The following KCNC2 variants were observed in gnomAD, a reference collection of about 807,000 sequenced individuals.
KCNC2 encodes voltage-gated potassium channel KCNC2.
KCNC2 carries 21 observed loss-of-function variants against 44.5 expected under a neutral mutation model. The observed-to-expected ratio is 0.47, with a 90% confidence interval of 0.33 to 0.68. KCNC2 has a LOEUF of 0.68. Ranked by LOEUF, KCNC2 falls within the 30% of genes least tolerant of loss-of-function variation. The pLI, the probability that KCNC2 is intolerant of heterozygous loss-of-function variation, is 0.01. For missense variants in KCNC2, 589 were observed against 826.2 expected (o/e 0.71, Z 3.52); for synonymous variants, 391 against 339.1 (o/e 1.15, Z -1.68).
chr12:75,067,767 T>C (rs556459643), intron 2 of KCNC2, among the ~76,000 whole-genome samples: 1 of 152,310 alleles, frequency 6.6e-6, no homozygotes, highest in East Asian at 1.9e-4. Context: ...AACTCCCTAA[T>C]GATGTCAGTG....
intron 2 of KCNC2, among the ~76,000 whole-genome samples, chr12:75,147,666 G>T (rs954465658): frequency 1.1e-4 from 16 of 152,146 alleles, no homozygotes; most frequent in African/African-American, 3.9e-4. Context: ...AATTTTCTGA[G>T]CAAAGCACAG....
At chr12:75,120,001 T>C (rs1288824790) in intron 2 of KCNC2, among the ~76,000 whole-genome samples, 1 of 152,200 alleles carries the variant, frequency 6.6e-6, no homozygotes, top group Non-Finnish European at 1.5e-5. Context: ...TATCATGCTC[T>C]GCATAAAGCT....
At chr12:75,079,692 C>A (rs924013868) in intron 2 of KCNC2, among the ~76,000 whole-genome samples, 2 of 152,052 alleles carry the variant, frequency 1.3e-5, no homozygotes, top group Non-Finnish European at 2.9e-5. Flanking sequence ...TTACTGGATA[C>A]CAAAACCTTG....
At chr12:75,191,501 A>ATATTATTATTATTAT in intron 2 of KCNC2, among the ~76,000 whole-genome samples, 1 of 70,452 alleles carries the variant, frequency 1.4e-5, no homozygotes, top group Admixed American at 1.5e-4. Flanking sequence ...TTTGTTCTGA[A>ATATTATTATTATTAT]TATTATTATT....
intron 2 of KCNC2, among the ~76,000 whole-genome samples, chr12:75,117,149 T>C (rs185829697): frequency 2.4e-4 from 36 of 152,326 alleles, no homozygotes; most frequent in Non-Finnish European, 3.7e-4. Context: ...GATTTAATTA[T>C]ACATTTGTCT....
intron 2 of KCNC2, among the ~76,000 whole-genome samples, chr12:75,057,631 T>C (rs1881885559): frequency 6.6e-6 from 1 of 152,038 alleles, no homozygotes; most frequent in African/African-American, 2.4e-5. Flanking sequence ...TGTCTATATA[T>C]AAATGTGTGT....
intron 2 of KCNC2, among the ~76,000 whole-genome samples, chr12:75,181,143 A>G (rs1892544765): frequency 6.6e-6 from 1 of 152,202 alleles, no homozygotes; most frequent in African/African-American, 2.4e-5. Context: ...AATGGAAGAA[A>G]AAAACTAAAA....
intron 2 of KCNC2, among the ~76,000 whole-genome samples, chr12:75,121,242 C>T (rs1592916026): frequency 6.6e-6 from 1 of 152,166 alleles, no homozygotes; most frequent in African/African-American, 2.4e-5. Flanking sequence ...GCTTTGTTTT[C>T]AAATTTTCCC....
At chr12:75,201,826 TAA>T (rs1001830539) in intron 2 of KCNC2, among the ~76,000 whole-genome samples, 35 of 152,052 alleles carry the variant, frequency 2.3e-4, no homozygotes, top group African/African-American at 7.9e-4. Flanking sequence ...AGAATTGAAT[TAA>T]GTTTATGGAA....
intron 2 of KCNC2, among the ~76,000 whole-genome samples, chr12:75,075,621 T>A (rs1223374402): frequency 6.6e-6 from 1 of 151,914 alleles, no homozygotes; most frequent in Non-Finnish European, 1.5e-5. Context: ...AGAAGGCAGA[T>A]GACATGGTCA....
chr12:75,042,981 C>T lies in KCNC2; in HGVS notation c.*124G>A. 1 of 1,431,122 alleles carries T rather than the reference C, an allele frequency of 7.0e-7. No homozygotes were observed. Among genetic ancestry groups the T allele is most frequent in the Non-Finnish European group, 9.2e-7 (1 of 1,091,320 alleles). 88.7% of individuals were successfully genotyped at this position (1,431,122 alleles called of 1,614,324 possible). A position where few individuals can be genotyped will look rare whatever the true frequency, so the allele number is the denominator to read the frequency against. On this transcript the variant is annotated 3_prime_UTR_variant, in exon 5 of 5. Coordinates refer to ENST00000549446, the MANE Select transcript of KCNC2 (RefSeq NM_139137.4). ...CATTTCTGACTTCAAATTGTAGTAT[C>T]ATGCAAGATTTATACTGTATTAATG... is the stretch of plus-strand genomic sequence containing the variant.
chr12:75,154,729 G>A (rs1008653242), intron 2 of KCNC2, among the ~76,000 whole-genome samples: 1 of 151,968 alleles, frequency 6.6e-6, no homozygotes, highest in East Asian at 1.9e-4. Context: ...AAAATCACAT[G>A]AAGCTTTTAT....
intron 2 of KCNC2, among the ~76,000 whole-genome samples, chr12:75,189,937 C>T (rs1433684507): frequency 2.0e-5 from 3 of 152,118 alleles, no homozygotes; most frequent in Non-Finnish European, 4.4e-5. Context: ...CCCCACCTCT[C>T]GCCAATACAA....
chr12:75,130,463 A>G lies in KCNC2; in HGVS notation c.687+76834T>C, dbSNP rs1268568884. 3.3e-5 allele frequency among the ~76,000 whole-genome samples: 5 copies of G among 152,318 alleles called. No homozygotes were observed. In the East Asian group the frequency reaches 9.6e-4, roughly 29 times the overall value. ...AACACAACATAGCTCTATATAAAAT[A>G]AACAAATGAATGAATGGTGTAACTA... On this transcript the variant is annotated intron_variant, in intron 2 of 4. Transcript: ENST00000549446.
chr12:75,125,742 G>T (rs1305214823), intron 2 of KCNC2, among the ~76,000 whole-genome samples: 2 of 152,140 alleles, frequency 1.3e-5, no homozygotes, highest in Non-Finnish European at 2.9e-5. Context: ...CAATTTACGT[G>T]CCAAACTCAC....
intron 2 of KCNC2, among the ~76,000 whole-genome samples, chr12:75,053,270 C>CA (rs1409430376): frequency 3.0e-5 from 1 of 32,822 alleles, no homozygotes; most frequent in Non-Finnish European, 7.3e-5. Context: ...TAACTCCCAC[C>CA]CCAACTACAC....
intron 2 of KCNC2, among the ~76,000 whole-genome samples, chr12:75,059,664 C>T (rs1293203126): frequency 6.6e-6 from 1 of 152,022 alleles, no homozygotes; most frequent in East Asian, 1.9e-4. Flanking sequence ...TTATGTATGA[C>T]TAACAGGACA....
chr12:75,093,359 C>T (rs1415058760), intron 2 of KCNC2, among the ~76,000 whole-genome samples: 1 of 151,464 alleles, frequency 6.6e-6, no homozygotes, highest in Non-Finnish European at 1.5e-5. Context: ...AAACGTGTTC[C>T]TACCCTCATG....
At position 75,050,374 on chromosome 12, in the gene KCNC2, T is replaced by C. The variant is rs747182899; in HGVS notation, c.1615+16A>G. ...TATAAAGTATTTAATAACATGCATT[T>C]GAAGTCCTGCCTTACCTGATCTGTT... On this transcript the variant is annotated intron_variant, in intron 3 of 4. Coordinates refer to ENST00000549446, the MANE Select transcript of KCNC2 (RefSeq NM_139137.4). The C allele has an allele frequency of 3.2e-6, 5 of 1,559,170 alleles. No homozygotes were observed. Among genetic ancestry groups the C allele is most frequent in the Admixed American group, 1.8e-5 (1 of 55,980 alleles).
Sources: allele counts gnomAD v4.1 joint callset (sites outside exome capture counted in the v4.1 genomes callset), GRCh38; gene constraint gnomAD v4.1.1; transcripts MANE v1.5; gene names NCBI Gene and HGNC (gene_info 2026-07-23, HGNC 2026-07-21).